The following TRPC4AP variants were observed in gnomAD, a reference collection of about 807,000 sequenced individuals.
TRPC4AP encodes the protein short transient receptor potential channel 4-associated protein.
A neutral mutation model predicts 99.0 loss-of-function variants in TRPC4AP; 45 were observed. That is an observed-to-expected ratio of 0.45 (90% confidence interval 0.36 to 0.58). TRPC4AP has a LOEUF of 0.58. Ranked by LOEUF, TRPC4AP falls within the 20% of genes least tolerant of loss-of-function variation. TRPC4AP has a pLI of 0.00. For missense variants in TRPC4AP, 879 were observed against 985.3 expected (o/e 0.89, Z 1.44); for synonymous variants, 408 against 385.8 (o/e 1.06, Z -0.67).
At chr20:35,066,749 C>T (rs527596715) in intron 3 of TRPC4AP, among the ~76,000 whole-genome samples, 2 of 152,208 alleles carry the variant, frequency 1.3e-5, no homozygotes, top group South Asian at 4.1e-4. Flanking sequence ...ATCTGACAAT[C>T]TAAAAATTAA....
intron 7 of TRPC4AP, among the ~76,000 whole-genome samples, chr20:35,043,683 T>C (rs2042278395): frequency 6.6e-6 from 1 of 152,226 alleles, no homozygotes; most frequent in Non-Finnish European, 1.5e-5. Context: ...TAAAGCTTAA[T>C]TTATAAATTA....
chr20:35,026,627 G>A (rs1438768101), intron 8 of TRPC4AP, among the ~76,000 whole-genome samples: 1 of 152,160 alleles, frequency 6.6e-6, no homozygotes, highest in Non-Finnish European at 1.5e-5. Context: ...CAGAAATTGT[G>A]TTGAATCTGT....
intron 1 of TRPC4AP, among the ~76,000 whole-genome samples, chr20:35,088,840 A>G (rs974758487): frequency 2.0e-5 from 3 of 152,210 alleles, no homozygotes; most frequent in African/African-American, 4.8e-5. Context: ...AGTCACAAAA[A>G]GACAAATACT....
At chr20:35,065,524 A>G (rs1348903371) in intron 3 of TRPC4AP, among the ~76,000 whole-genome samples, 1 of 152,206 alleles carries the variant, frequency 6.6e-6, no homozygotes, top group Non-Finnish European at 1.5e-5. Context: ...GGTTCTTGCT[A>G]GTTATTAGCA....
At chr20:35,043,184 C>G (rs957508928) in intron 7 of TRPC4AP, among the ~76,000 whole-genome samples, 3 of 151,998 alleles carry the variant, frequency 2.0e-5, no homozygotes, top group Non-Finnish European at 4.4e-5. Flanking sequence ...ACTAAGCAGT[C>G]CAGTGTTAAT....
chr20:35,016,003 C>G lies in TRPC4AP; in HGVS notation c.1350+5G>C, dbSNP rs1016051465. 1 of 1,614,044 alleles carries G rather than the reference C, an allele frequency of 6.2e-7. No individual in the cohort carries two copies. The highest frequency in any genetic ancestry group is 8.5e-7 in the Non-Finnish European group (1 of 1,180,006). On this transcript the variant is annotated splice_donor_5th_base_variant and intron_variant, in intron 10 of 18. Transcript: ENST00000252015. The stretch of plus-strand genomic sequence containing the variant: ...CCCATCTGTCCCCGGGGGTCTCCTG[C>G]TTACCGGGCTACAGTCACAGTTCTG...
chr20:35,009,995 G>T (rs1275582037), intron 12 of TRPC4AP, among the ~76,000 whole-genome samples, 192 bp downstream of exon 12: 1 of 152,234 alleles, frequency 6.6e-6, no homozygotes, highest in Non-Finnish European at 1.5e-5. Context: ...CCCCTCCTAG[G>T]GCTGCTGTGA....
At chr20:35,029,570 C>T (rs1294230400) in intron 8 of TRPC4AP, among the ~76,000 whole-genome samples, 2 of 143,066 alleles carry the variant, frequency 1.4e-5, no homozygotes, top group Non-Finnish European at 3.1e-5. Flanking sequence ...TTAATATTTT[C>T]TAGTATAACA....
At chr20:35,020,186 C>T (rs1246757364) in intron 9 of TRPC4AP, among the ~76,000 whole-genome samples, 7 of 152,214 alleles carry the variant, frequency 4.6e-5, no homozygotes. Context: ...GTCCTAGCTG[C>T]TATCATCTCT....
chr20:35,085,183 C>G (rs950044718), intron 1 of TRPC4AP, among the ~76,000 whole-genome samples: 3 of 152,180 alleles, frequency 2.0e-5, no homozygotes, highest in African/African-American at 4.8e-5. Flanking sequence ...AGGTGCAAAG[C>G]AGGCAGGGCA....
chr20:35,047,018 A>G (rs2147367455), intron 6 of TRPC4AP, among the ~76,000 whole-genome samples: 1 of 152,078 alleles, frequency 6.6e-6, no homozygotes, highest in South Asian at 2.1e-4. Flanking sequence ...ACAGGCATGC[A>G]CCACCATGCT....
chr20:35,012,091 A>T (rs557979157), intron 11 of TRPC4AP, among the ~76,000 whole-genome samples: 1 of 152,320 alleles, frequency 6.6e-6, no homozygotes, highest in East Asian at 1.9e-4. Flanking sequence ...TTCCTCAGGG[A>T]AAACAGCACA....
chr20:35,081,342 G>C (rs1254992818), intron 1 of TRPC4AP, among the ~76,000 whole-genome samples: 2 of 150,690 alleles, frequency 1.3e-5, no homozygotes, highest in Non-Finnish European at 3.0e-5. Context: ...GTGAAACCCT[G>C]TCTCTACCAA....
Position 35,086,431 on chromosome 20 carries a change from ATGTGTGTGTGTG to A in TRPC4AP, c.168+6171_168+6182del, listed in dbSNP as rs150231202. On this transcript the variant is annotated intron_variant, in intron 1 of 18. Transcript: ENST00000252015. Reference sequence around the variant, plus strand: ...AACTTCCCATTGAAATGAATGGCATATGTGTGTGTGTGTGTGTGTGTGTGTGTGTGTGTGTGT... The same window carrying A: ...AACTTCCCATTGAAATGAATGGCATATGTGTGTGTGTGTGTGTGTGTGTGT... 4.6e-3 allele frequency among the ~76,000 whole-genome samples: 504 copies of A among 109,516 alleles called. 12 individuals carry two copies. Among genetic ancestry groups the A allele is most frequent in the African/African-American group, 0.014 (407 of 28,948 alleles). The allele number at this position is 109,516 out of a possible 152,430, so 71.8% of individuals were successfully genotyped here.
At chr20:35,039,615 T>A (rs1162149299) in intron 7 of TRPC4AP, among the ~76,000 whole-genome samples, 3 of 152,166 alleles carry the variant, frequency 2.0e-5, no homozygotes, top group Non-Finnish European at 4.4e-5. Context: ...CCCATACTCC[T>A]GTAGTTTCCC....
At position 35,045,547 on chromosome 20, in the gene TRPC4AP, A is replaced by T. The variant is rs538521023; in HGVS notation, c.658-835T>A. Among the ~76,000 whole-genome samples the T allele has an allele frequency of 2.0e-4, 30 of 147,908 alleles. No individual in the cohort carries two copies. In the South Asian group the frequency reaches 5.6e-3, roughly 28 times the overall value. ...CATTACACCTGGCTACTTTTTTAAT[A>T]TTTTTTTTTTTGAGATGGTATCTCA... On this transcript the variant is annotated intron_variant, in intron 6 of 18. Coordinates refer to ENST00000252015, the MANE Select transcript of TRPC4AP (RefSeq NM_015638.3).
intron 3 of TRPC4AP, among the ~76,000 whole-genome samples, chr20:35,067,261 G>A (rs1471417400): frequency 2.0e-5 from 3 of 152,330 alleles, no homozygotes; most frequent in Non-Finnish European, 4.4e-5. Flanking sequence ...AAGGCTGGGG[G>A]ACTGTTTGAG....
intron 3 of TRPC4AP, among the ~76,000 whole-genome samples, chr20:35,066,554 T>A (rs1174078770): frequency 1.3e-5 from 2 of 152,132 alleles, no homozygotes; most frequent in Non-Finnish European, 2.9e-5. Flanking sequence ...GGCAGATATC[T>A]AGGGGAGCAA....
chr20:35,077,752 A>G (rs1357674520), intron 2 of TRPC4AP, among the ~76,000 whole-genome samples: 1 of 152,172 alleles, frequency 6.6e-6, no homozygotes, highest in Non-Finnish European at 1.5e-5. Context: ...TGTCATCCCA[A>G]TCACAGGATA....
Sources: allele counts gnomAD v4.1 joint callset (sites outside exome capture counted in the v4.1 genomes callset), GRCh38; gene constraint gnomAD v4.1.1; transcripts MANE v1.5; gene names NCBI Gene and HGNC (gene_info 2026-07-23, HGNC 2026-07-21).